Variants in ROBO1 observed in about 807,000 individuals in gnomAD.
The protein encoded by ROBO1 is roundabout homolog 1.
ROBO1 carries 149 observed loss-of-function variants against 195.9 expected under a neutral mutation model. That is an observed-to-expected ratio of 0.76 (90% CI 0.67 to 0.87). ROBO1 has a LOEUF of 0.87. Among genes scored for constraint, ROBO1 ranks in the 40% least tolerant of loss-of-function variants. The pLI is 0.00. For missense variants in ROBO1, 1,933 were observed against 2,068.3 expected (o/e 0.93, Z 1.27); for synonymous variants, 816 against 733.2 (o/e 1.11, Z -1.82).
chr3:79,087,558 C>A (rs1268831089), intron 3 of ROBO1, among the ~76,000 whole-genome samples: 1 of 151,644 alleles, frequency 6.6e-6, no homozygotes, highest in East Asian at 1.9e-4. Flanking sequence ...CTTCTTCCTT[C>A]CTTCATTTCT....
At chr3:78,700,071 C>T (rs2081386259) in intron 8 of ROBO1, among the ~76,000 whole-genome samples, 1 of 152,138 alleles carries the variant, frequency 6.6e-6, no homozygotes, top group African/African-American at 2.4e-5. Context: ...CAAGCATTTA[C>T]TCATTTTGTT....
chr3:78,629,275 G>GCACAGTTGCAGCTC (rs1279717251), intron 25 of ROBO1, among the ~76,000 whole-genome samples: 3 of 151,490 alleles, frequency 2.0e-5, no homozygotes, highest in South Asian at 2.1e-4. Context: ...TCTCCTTGGG[G>GCACAGTTGCAGCTC]CACAGTTGCA....
At chr3:78,904,034 T>C (rs2037745847) in intron 4 of ROBO1, among the ~76,000 whole-genome samples, 1 of 152,138 alleles carries the variant, frequency 6.6e-6, no homozygotes, top group Admixed American at 6.5e-5. Flanking sequence ...GAAGCATTTA[T>C]AACAGCACCT....
intron 2 of ROBO1, among the ~76,000 whole-genome samples, chr3:79,559,088 G>A (rs1942814170): frequency 6.6e-6 from 1 of 152,138 alleles, no homozygotes; most frequent in Admixed American, 6.5e-5. Context: ...ATCACAGGAA[G>A]CCAACCGATC....
At chr3:78,997,443 C>A (rs2108104331) in intron 3 of ROBO1, among the ~76,000 whole-genome samples, 1 of 152,144 alleles carries the variant, frequency 6.6e-6, no homozygotes, top group South Asian at 2.1e-4. Context: ...ATGAACAAAC[C>A]ATTCCACTAG....
chr3:79,155,301 T>TTGA (rs2080839837), intron 2 of ROBO1, among the ~76,000 whole-genome samples: 1 of 151,714 alleles, frequency 6.6e-6, no homozygotes, highest in Non-Finnish European at 1.5e-5. Flanking sequence ...TGTATAAAAG[T>TTGA]TGATGTAGCT....
At chr3:79,330,231 G>A (rs1177244767) in intron 2 of ROBO1, among the ~76,000 whole-genome samples, 1 of 147,862 alleles carries the variant, frequency 6.8e-6, no homozygotes, top group East Asian at 2.0e-4. Context: ...TGCACATTGT[G>A]CACATGTACC....
At chr3:79,631,285 G>C (rs1206104479) in intron 1 of ROBO1, among the ~76,000 whole-genome samples, 1 of 151,868 alleles carries the variant, frequency 6.6e-6, no homozygotes, top group African/African-American at 2.4e-5. Context: ...TACAATTATG[G>C]ACACATAGAT....
At chr3:79,534,838 C>T (rs1349200704) in intron 2 of ROBO1, among the ~76,000 whole-genome samples, 2 of 152,094 alleles carry the variant, frequency 1.3e-5, no homozygotes, top group Non-Finnish European at 2.9e-5. Context: ...CCTGACCTCC[C>T]CTTGAACCTC....
intron 3 of ROBO1, among the ~76,000 whole-genome samples, chr3:79,085,485 C>T (rs574764230): frequency 8.5e-5 from 13 of 152,184 alleles, no homozygotes; most frequent in Middle Eastern, 3.4e-3. Flanking sequence ...GTTTAAAGGG[C>T]GGATAGGCAA....
intron 4 of ROBO1, among the ~76,000 whole-genome samples, chr3:78,784,176 T>C (rs2108496020): frequency 6.6e-6 from 1 of 152,268 alleles, no homozygotes; most frequent in South Asian, 2.1e-4. Context: ...AATAATAGTT[T>C]TAATGTAGGT....
intron 26 of ROBO1, among the ~76,000 whole-genome samples, chr3:78,618,551 A>C (rs1028157351): frequency 6.6e-6 from 1 of 152,128 alleles, no homozygotes; most frequent in African/African-American, 2.4e-5. Context: ...AAATTTCATA[A>C]GATTTAAAAA....
chr3:79,687,075 C>T lies in ROBO1; in HGVS notation c.-51+80677G>A, dbSNP rs572946066. ...AGAAATAATGCCGCTTATCTACAAC[C>T]GTCTGATCTTTGACAAACCTGAGAA... On this transcript the variant is annotated intron_variant, in intron 1 of 30. Transcript: ENST00000464233. 2.6e-4 allele frequency among the ~76,000 whole-genome samples: 40 copies of T among 152,174 alleles called. 1 individual carries two copies. The South Asian group carries it at 3.9e-3, about 15-fold the overall frequency.
chr3:79,158,111 T>C (rs2080891084), intron 2 of ROBO1, among the ~76,000 whole-genome samples: 1 of 151,922 alleles, frequency 6.6e-6, no homozygotes, highest in South Asian at 2.1e-4. Context: ...CTTTAGGGCT[T>C]CATCTCAACA....
chr3:79,261,020 G>A (rs2082929235), intron 2 of ROBO1, among the ~76,000 whole-genome samples: 1 of 152,022 alleles, frequency 6.6e-6, no homozygotes, highest in African/African-American at 2.4e-5. Flanking sequence ...ATCCACTGAA[G>A]TTACCATTTT....
chr3:78,747,217 T>TC (rs1279989168), intron 4 of ROBO1, among the ~76,000 whole-genome samples: 1 of 152,176 alleles, frequency 6.6e-6, no homozygotes, highest in African/African-American at 2.4e-5. Context: ...CCTACATTTT[T>TC]CTCAGCCATG....
intron 5 of ROBO1, among the ~76,000 whole-genome samples, chr3:78,722,328 C>T (rs2082062915): frequency 6.6e-6 from 1 of 152,026 alleles, no homozygotes; most frequent in South Asian, 2.1e-4. Flanking sequence ...GTAAACAAAG[C>T]TGGAGTTTGT....
chr3:79,366,613 A>G (rs1232013742), intron 2 of ROBO1, among the ~76,000 whole-genome samples: 2 of 152,154 alleles, frequency 1.3e-5, no homozygotes, highest in Non-Finnish European at 2.9e-5. Context: ...ACGCAACTCC[A>G]AATAGAATGC....
rs544480794 is a variant in ROBO1, at chr3:79,455,255, C to A, written c.88+134569G>T. Among the ~76,000 whole-genome samples, 44 of 152,118 alleles carry A rather than the reference C, an allele frequency of 2.9e-4. No homozygotes were observed. The East Asian group carries it at 6.6e-3, about 23-fold the overall frequency. Reference sequence around the variant, plus strand: ...GCTAGAGTACGAGATTTAACACTTACCTCTGTGGAATGGGTGAAATGCCAC... The same window carrying A: ...GCTAGAGTACGAGATTTAACACTTAACTCTGTGGAATGGGTGAAATGCCAC... On this transcript the variant is annotated intron_variant, in intron 2 of 30. Transcript: ENST00000464233.
Sources: gnomAD v4.1 joint callset for allele counts (sites outside exome capture counted in the v4.1 genomes callset) on GRCh38, gnomAD v4.1.1 for gene constraint, MANE v1.5 for transcripts, NCBI Gene and HGNC (gene_info 2026-07-23, HGNC 2026-07-21) for gene names.